Variants in LRRC28 observed in about 807,000 individuals in gnomAD.
LRRC28 encodes the protein leucine rich repeat containing 28.
Under a neutral mutation model 45.7 loss-of-function variants are expected in LRRC28, and 39 were observed. The ratio of observed to expected loss-of-function variants is 0.85; its 90% CI spans 0.66 to 1.12. LRRC28 has a LOEUF of 1.12. Among genes scored for constraint, LRRC28 ranks in the 50% most tolerant of loss-of-function variants. The pLI is 0.00. For synonymous variants in LRRC28, 206 were observed against 178.8 expected, an observed-to-expected ratio of 1.15 and a Z score of -1.22; for missense variants, 435 against 438.5, an observed-to-expected ratio of 0.99 and a Z score of 0.07.
chr15:99,382,833 A>C (rs1192656542), intron 9 of LRRC28, among the ~76,000 whole-genome samples: 1 of 151,422 alleles, frequency 6.6e-6, no homozygotes, highest in African/African-American at 2.4e-5. Flanking sequence ...TGTGTTATTC[A>C]GTTTTTCTAT....
chr15:99,319,167 A>T (rs1955703732), intron 5 of LRRC28, among the ~76,000 whole-genome samples: 1 of 152,156 alleles, frequency 6.6e-6, no homozygotes, highest in African/African-American at 2.4e-5. Flanking sequence ...TAAGGCAATG[A>T]TTATAATAGT....
chr15:99,323,743 A>G (rs1316066412), intron 5 of LRRC28, among the ~76,000 whole-genome samples: 1 of 152,206 alleles, frequency 6.6e-6, no homozygotes, highest in East Asian at 1.9e-4. Context: ...TGAACTGAAA[A>G]ATTAGAAGTA....
At chr15:99,355,769 T>C (rs985828113) in intron 7 of LRRC28, 16 of 152,150 alleles carry the variant, frequency 1.1e-4, no homozygotes, top group African/African-American at 3.6e-4. Context: ...GCCACTACTT[T>C]GCTTTTTATT....
intron 5 of LRRC28, among the ~76,000 whole-genome samples, chr15:99,305,555 C>T (rs1295941102): frequency 6.6e-6 from 1 of 152,090 alleles, no homozygotes; most frequent in African/African-American, 2.4e-5. Context: ...ATCGCTAAAA[C>T]TAAAATTCTA....
chr15:99,369,192 C>T (rs1043138465), intron 9 of LRRC28, among the ~76,000 whole-genome samples: 3 of 152,152 alleles, frequency 2.0e-5, no homozygotes, highest in Non-Finnish European at 2.9e-5. Flanking sequence ...AACTTTATAG[C>T]TCCTGCCTTT....
intron 5 of LRRC28, among the ~76,000 whole-genome samples, chr15:99,293,394 G>A (rs1450810067): frequency 6.6e-6 from 1 of 151,798 alleles, no homozygotes; most frequent in African/African-American, 2.4e-5. Flanking sequence ...GGGAGTTCAA[G>A]ACTAGCCTGA....
At chr15:99,254,384 A>T (rs949915910) in intron 1 of LRRC28, among the ~76,000 whole-genome samples, 1 of 152,218 alleles carries the variant, frequency 6.6e-6, no homozygotes, top group African/African-American at 2.4e-5. Flanking sequence ...ATAGCCAGAA[A>T]ATTACAAAAC....
At chr15:99,320,099 G>C (rs1955742287) in intron 5 of LRRC28, among the ~76,000 whole-genome samples, 1 of 152,128 alleles carries the variant, frequency 6.6e-6, no homozygotes, top group African/African-American at 2.4e-5. Flanking sequence ...GAGCCACCGT[G>C]CCCAGCCGGG....
intron 2 of LRRC28, among the ~76,000 whole-genome samples, chr15:99,273,363 A>G (rs919058043): frequency 6.6e-6 from 1 of 152,006 alleles, no homozygotes; most frequent in African/African-American, 2.4e-5. Flanking sequence ...CAGCCTCCTG[A>G]GTAGCTGGGA....
intron 5 of LRRC28, among the ~76,000 whole-genome samples, chr15:99,319,354 T>C (rs1293670401): frequency 6.6e-6 from 1 of 152,088 alleles, no homozygotes; most frequent in Non-Finnish European, 1.5e-5. Flanking sequence ...TCTTGAAGAA[T>C]GAGGAAGATA....
chr15:99,370,559 T>C (rs1344020325), intron 9 of LRRC28, among the ~76,000 whole-genome samples: 2 of 152,152 alleles, frequency 1.3e-5, no homozygotes, highest in African/African-American at 4.8e-5. Flanking sequence ...ACTTGGGATA[T>C]AATTTTACAA....
intron 7 of LRRC28, among the ~76,000 whole-genome samples, chr15:99,359,848 T>C (rs1957150158): frequency 1.3e-5 from 2 of 152,344 alleles, no homozygotes; most frequent in South Asian, 2.1e-4. Context: ...TTCAGAATTA[T>C]TTGCTTTAGG....
chr15:99,268,266 T>C (rs2081383522), intron 2 of LRRC28, among the ~76,000 whole-genome samples: 1 of 152,218 alleles, frequency 6.6e-6, no homozygotes, highest in African/African-American at 2.4e-5. Context: ...AAGTCTAGCT[T>C]AATAGAAATA....
At position 99,390,023 on chromosome 15, in the gene LRRC28, C is replaced by T. The variant is rs60418121; in HGVS notation, c.*3921C>T. 0.052 allele frequency: 7,930 copies of T among 152,542 alleles called. 291 individuals carry two copies. The highest frequency in any genetic ancestry group is 0.16 in the East Asian group (827 of 5,162). The allele number at this position is 152,542 out of a possible 1,614,324, so 9.4% of individuals were successfully genotyped here. The stretch of plus-strand genomic sequence containing the variant: ...GTCCCAGCTACTCGGGAGGCTGAGG[C>T]AGGAGAATTGCTTGAACCCGGCAGG... On this transcript the variant is annotated 3_prime_UTR_variant, in exon 10 of 10. Coordinates refer to ENST00000301981, the MANE Select transcript of LRRC28 (RefSeq NM_144598.5).
chr15:99,378,832 T>C (rs1957725422), intron 9 of LRRC28, among the ~76,000 whole-genome samples: 1 of 152,194 alleles, frequency 6.6e-6, no homozygotes, highest in African/African-American at 2.4e-5. Context: ...GTTTATATGA[T>C]GGATTACATT....
At chr15:99,265,436 G>C (rs1352267762) in intron 2 of LRRC28, among the ~76,000 whole-genome samples, 2 of 152,166 alleles carry the variant, frequency 1.3e-5, no homozygotes, top group Non-Finnish European at 2.9e-5. Context: ...GACTGAGTAA[G>C]CCATCTGGGG....
chr15:99,372,319 A>G (rs1163570949), intron 9 of LRRC28, among the ~76,000 whole-genome samples: 4 of 152,200 alleles, frequency 2.6e-5, no homozygotes, highest in Admixed American at 2.6e-4. Context: ...GCCTGTAAAT[A>G]TGCTCAAAGA....
intron 5 of LRRC28, among the ~76,000 whole-genome samples, chr15:99,317,945 A>G (rs768718193): frequency 2.6e-5 from 4 of 152,202 alleles, no homozygotes; most frequent in Non-Finnish European, 5.9e-5. Flanking sequence ...AAAGATTGGT[A>G]GAACACAATA....
At chr15:99,320,329 C>A (rs1207766336) in intron 5 of LRRC28, among the ~76,000 whole-genome samples, 1 of 152,054 alleles carries the variant, frequency 6.6e-6, no homozygotes. Context: ...TAACCTGCCA[C>A]ACATTCAAAA....
Sources: allele counts gnomAD v4.1 joint callset (sites outside exome capture counted in the v4.1 genomes callset), GRCh38; gene constraint gnomAD v4.1.1; transcripts MANE v1.5; gene names NCBI Gene and HGNC (gene_info 2026-07-23, HGNC 2026-07-21).